Variants in CHCHD3 observed in about 807,000 individuals in gnomAD.
CHCHD3 encodes the protein coiled-coil-helix-coiled-coil-helix domain containing 3, also known as MICOS complex subunit MIC19.
CHCHD3 carries 20 observed loss-of-function variants against 38.2 expected under a neutral mutation model. That is an observed-to-expected ratio of 0.52 (90% CI 0.37 to 0.76). The LOEUF (loss-of-function observed/expected upper bound fraction) is 0.76. Among genes scored for constraint, CHCHD3 ranks in the 30% least tolerant of loss-of-function variants. The probability of loss-of-function intolerance (pLI) is 0.00; values close to 1 mark genes in which losing one functional copy is unlikely to be tolerated. For missense variants in CHCHD3, 245 were observed against 279.2 expected (o/e 0.88, Z 0.87); for synonymous variants, 82 against 100.0 (o/e 0.82, Z 1.07).
chr7:132,801,405 C>A (rs2117036618), intron 6 of CHCHD3, among the ~76,000 whole-genome samples: 1 of 152,314 alleles, frequency 6.6e-6, no homozygotes, highest in African/African-American at 2.4e-5. Context: ...TCCACAATTA[C>A]ACTTCAGAAG....
intron 4 of CHCHD3, among the ~76,000 whole-genome samples, chr7:132,936,908 T>C (rs1010553912): frequency 6.6e-6 from 1 of 152,190 alleles, no homozygotes; most frequent in African/African-American, 2.4e-5. Flanking sequence ...TGGTAGCCAT[T>C]GTCAAGAAAA....
At chr7:133,017,601 G>A (rs1478341425) in intron 3 of CHCHD3, among the ~76,000 whole-genome samples, 1 of 152,114 alleles carries the variant, frequency 6.6e-6, no homozygotes, top group Non-Finnish European at 1.5e-5. Context: ...ACTGTCAAAA[G>A]AAACATGTGA....
chr7:133,075,045 T>C (rs975248340), intron 1 of CHCHD3, among the ~76,000 whole-genome samples: 2 of 152,218 alleles, frequency 1.3e-5, no homozygotes, highest in African/African-American at 4.8e-5. Context: ...AGCAGCTGCC[T>C]AAGTCCTGGT....
Position 132,823,183 on chromosome 7 carries a change from C to T in CHCHD3, c.524+15216G>A, listed in dbSNP as rs1456448496. 3.3e-5 allele frequency among the ~76,000 whole-genome samples: 5 copies of T among 151,956 alleles called. No homozygotes were observed. In the South Asian group the frequency reaches 1.0e-3, roughly 31 times the overall value. On this transcript the variant is annotated intron_variant, in intron 6 of 7. Coordinates refer to ENST00000262570, the MANE Select transcript of CHCHD3 (RefSeq NM_017812.4). ...AGAAAAGAGGAGTAAAATTACATTTCCCTTGTTACAAGAAAAAAAATACTT... is the reference window on the plus strand; with the variant it reads ...AGAAAAGAGGAGTAAAATTACATTTTCCTTGTTACAAGAAAAAAAATACTT...
At position 133,031,975 on chromosome 7, in the gene CHCHD3, T is replaced by A. The variant is rs141456774; in HGVS notation, c.170-7348A>T. 4.6e-5 allele frequency among the ~76,000 whole-genome samples: 7 copies of A among 152,232 alleles called. No individual in the cohort carries two copies. The East Asian group carries it at 9.6e-4, about 21-fold the overall frequency. On this transcript the variant is annotated intron_variant, in intron 2 of 7. Coordinates refer to ENST00000262570, the MANE Select transcript of CHCHD3 (RefSeq NM_017812.4). Reference sequence around the variant, plus strand: ...GTTTAAGAAAATAATAATCAAAGCATCCATGCAATCAATGAAATACAACAC... The same window carrying A: ...GTTTAAGAAAATAATAATCAAAGCAACCATGCAATCAATGAAATACAACAC...
intron 3 of CHCHD3, among the ~76,000 whole-genome samples, chr7:132,993,298 T>C (rs2117375451): frequency 6.6e-6 from 1 of 152,318 alleles, no homozygotes; most frequent in East Asian, 1.9e-4. Flanking sequence ...TCCCTTTATC[T>C]CCTTCTGGAA....
At chr7:132,991,349 C>T (rs751852658) in intron 3 of CHCHD3, among the ~76,000 whole-genome samples, 1 of 152,084 alleles carries the variant, frequency 6.6e-6, no homozygotes, top group African/African-American at 2.4e-5. Context: ...AAGGTTAAAA[C>T]AAATTACTTT....
chr7:132,793,015 C>T (rs1246915220), intron 7 of CHCHD3, among the ~76,000 whole-genome samples: 1 of 152,160 alleles, frequency 6.6e-6, no homozygotes, highest in Non-Finnish European at 1.5e-5. Flanking sequence ...GACAGCAAAC[C>T]CTTTCGACAC....
intron 2 of CHCHD3, among the ~76,000 whole-genome samples, chr7:133,057,305 T>C (rs550040187): frequency 6.6e-6 from 1 of 152,348 alleles, no homozygotes; most frequent in South Asian, 2.1e-4. Flanking sequence ...CTCATGCCTA[T>C]AATCCCAGCA....
chr7:132,918,920 AG>A (rs1810186932), intron 4 of CHCHD3, among the ~76,000 whole-genome samples: 1 of 152,112 alleles, frequency 6.6e-6, no homozygotes. Flanking sequence ...CAGGAGTGTC[AG>A]AAAGTCTACC....
intron 5 of CHCHD3, among the ~76,000 whole-genome samples, chr7:132,883,909 C>T (rs1453145848): frequency 6.6e-6 from 1 of 152,156 alleles, no homozygotes; most frequent in Non-Finnish European, 1.5e-5. Flanking sequence ...AGAATCTTCA[C>T]CTGTGGAAAA....
chr7:133,000,158 A>T (rs754222411), intron 3 of CHCHD3, among the ~76,000 whole-genome samples: 14 of 152,190 alleles, frequency 9.2e-5, no homozygotes, highest in Non-Finnish European at 1.9e-4. Flanking sequence ...CTCTTCGTTC[A>T]ATATGAGACC....
chr7:132,860,870 C>T (rs531131274), intron 5 of CHCHD3, among the ~76,000 whole-genome samples: 84 of 152,272 alleles, frequency 5.5e-4, no homozygotes, highest in African/African-American at 1.7e-3. Flanking sequence ...GTGATCCACC[C>T]GCCTCAGCCT....
Position 133,031,499 on chromosome 7 carries a change from A to ATT in CHCHD3, c.170-6874_170-6873dup, listed in dbSNP as rs141324619. On this transcript the variant is annotated intron_variant, in intron 2 of 7. Coordinates refer to ENST00000262570, the MANE Select transcript of CHCHD3 (RefSeq NM_017812.4). ...CCCACTTGTAATTCCCTTTTACTTC[A>ATT]TTTTTTTTTTGCATAATCCTTACAC... is the stretch of plus-strand genomic sequence containing the variant. 7.4e-5 allele frequency among the ~76,000 whole-genome samples: 11 copies of ATT among 149,130 alleles called. 3 individuals are homozygous for ATT. The highest frequency in any genetic ancestry group is 2.5e-4 in the African/African-American group (10 of 40,758).
chr7:132,977,500 A>G (rs1394879629), intron 3 of CHCHD3, among the ~76,000 whole-genome samples: 1 of 152,246 alleles, frequency 6.6e-6, no homozygotes, highest in Non-Finnish European at 1.5e-5. Flanking sequence ...AGATTACAAT[A>G]CTGTATTTAA....
chr7:132,967,662 T>TAAATA (rs539264762), intron 4 of CHCHD3, among the ~76,000 whole-genome samples: 6 of 136,372 alleles, frequency 4.4e-5, no homozygotes, highest in East Asian at 2.0e-4. Context: ...AATAAATAAA[T>TAAATA]AAATAAAATA....
intron 2 of CHCHD3, among the ~76,000 whole-genome samples, chr7:133,069,395 T>A (rs932786107): frequency 6.6e-6 from 1 of 152,178 alleles, no homozygotes; most frequent in African/African-American, 2.4e-5. Flanking sequence ...ATAGCCAGAT[T>A]TCCCCCTTTC....
intron 1 of CHCHD3, among the ~76,000 whole-genome samples, chr7:133,075,755 C>T (rs944243136): frequency 2.0e-5 from 3 of 152,156 alleles, no homozygotes; most frequent in African/African-American, 7.2e-5. Context: ...GCGATGGCAG[C>T]CTCTGTGTAA....
At chr7:132,793,507 T>G (rs182714827) in intron 7 of CHCHD3, among the ~76,000 whole-genome samples, 2 of 152,304 alleles carry the variant, frequency 1.3e-5, no homozygotes, top group Non-Finnish European at 1.5e-5. Context: ...AAATGTCTCA[T>G]GTCAACCCAT....
Sources: gnomAD v4.1 joint callset for allele counts (sites outside exome capture counted in the v4.1 genomes callset) on GRCh38, gnomAD v4.1.1 for gene constraint, MANE v1.5 for transcripts, NCBI Gene and HGNC (gene_info 2026-07-23, HGNC 2026-07-21) for gene names.